XIRP2: variants seen among roughly 807,000 people sequenced by gnomAD.
The protein encoded by XIRP2 is xin actin binding repeat containing 2.
Under a neutral mutation model 277.0 loss-of-function variants are expected in XIRP2, and 236 were observed. The observed-to-expected ratio is 0.85, with a 90% CI of 0.77 to 0.95. XIRP2 has a LOEUF of 0.95. XIRP2 is among the 40% of genes least tolerant of loss of function. The pLI, the probability that XIRP2 is intolerant of heterozygous loss-of-function variation, is 0.00. For synonymous variants in XIRP2, 1,490 were observed against 1,416.5 expected (o/e 1.05, Z -1.17); for missense variants, 4,640 against 4,157.5 (o/e 1.12, Z -3.19).
rs1228599060 is a variant in XIRP2 at position 167,258,273 on chromosome 2, A to G, written c.*456A>G. 4 of 1,613,398 alleles carry G rather than the reference A, an allele frequency of 2.5e-6. No homozygotes were observed. Among genetic ancestry groups the G allele is most frequent in the South Asian group, 1.1e-5 (1 of 91,076 alleles). ...ACAACCCTGCTATCCCCTGAATTTA[A>G]AAGTGAATCTCTGCTAGAAGATGTT... On this transcript the variant is annotated 3_prime_UTR_variant, in exon 11 of 11. Coordinates refer to ENST00000409195, the MANE Select transcript of XIRP2 (RefSeq NM_152381.6).
intron 2 of XIRP2, among the ~76,000 whole-genome samples, chr2:167,042,374 G>A (rs1220556460): frequency 6.6e-6 from 1 of 152,072 alleles, no homozygotes; most frequent in African/African-American, 2.4e-5. Context: ...TAAATGCCCA[G>A]CTTAAAAGGC....
intron 2 of XIRP2, among the ~76,000 whole-genome samples, chr2:166,921,552 T>C (rs1685041568): frequency 6.6e-6 from 1 of 152,142 alleles, no homozygotes; most frequent in Non-Finnish European, 1.5e-5. Flanking sequence ...GATGATAAAT[T>C]ATTTCATCAC....
intron 3 of XIRP2, among the ~76,000 whole-genome samples, chr2:167,168,027 TC>T (rs1418111522): frequency 6.6e-6 from 1 of 152,298 alleles, no homozygotes; most frequent in East Asian, 1.9e-4. Context: ...TATTTTCCTC[TC>T]AACACTTGTA....
intron 2 of XIRP2, among the ~76,000 whole-genome samples, chr2:166,984,263 A>G (rs1259862247): frequency 1.3e-5 from 2 of 152,202 alleles, no homozygotes; most frequent in East Asian, 1.9e-4. Flanking sequence ...CTCATATTTC[A>G]GTTTTCTACA....
At chr2:167,071,691 A>C (rs1460013869) in intron 2 of XIRP2, among the ~76,000 whole-genome samples, 1 of 152,216 alleles carries the variant, frequency 6.6e-6, no homozygotes, top group African/African-American at 2.4e-5. Context: ...TATGGCAGCA[A>C]ACCAAAACAT....
At chr2:167,187,199 A>G (rs1693180370) in intron 3 of XIRP2, 3 of 966,118 alleles carry the variant, frequency 3.1e-6, no homozygotes, top group Non-Finnish European at 2.5e-6. Context: ...TGTTAGAGCC[A>G]TGCATACATT....
At chr2:167,093,434 A>C (rs181559176) in intron 2 of XIRP2, among the ~76,000 whole-genome samples, 86 of 152,088 alleles carry the variant, frequency 5.7e-4, no homozygotes, top group African/African-American at 1.8e-3. Context: ...CTTCATCTAC[A>C]TTAGGTATTT....
chr2:167,087,909 G>C (rs375925912), intron 2 of XIRP2, among the ~76,000 whole-genome samples: 1 of 152,134 alleles, frequency 6.6e-6, no homozygotes, highest in East Asian at 1.9e-4. Context: ...CTTCTGCGTC[G>C]CTCACGCTGG....
chr2:167,258,057 C>A lies in XIRP2; in HGVS notation c.*240C>A, dbSNP rs62197395. 15 of 1,613,014 alleles carry A rather than the reference C, an allele frequency of 9.3e-6. No homozygotes were observed. The Admixed American group carries it at 2.5e-4, about 27-fold the overall frequency. On this transcript the variant is annotated 3_prime_UTR_variant, in exon 11 of 11. Transcript: ENST00000409195. Reference sequence around the variant, plus strand: ...ATGTGTAAAAATATTGCAGAAAACACCCTTGTACCTGGAGATCGTAATGAA... The same window carrying A: ...ATGTGTAAAAATATTGCAGAAAACAACCTTGTACCTGGAGATCGTAATGAA...
chr2:166,947,443 C>T (rs1287467774), intron 2 of XIRP2, among the ~76,000 whole-genome samples: 1 of 152,126 alleles, frequency 6.6e-6, no homozygotes, highest in Non-Finnish European at 1.5e-5. Flanking sequence ...GTTCTACTTC[C>T]TTGGTATTCT....
Position 167,242,654 on chromosome 2 carries a change from A to AG in XIRP2, c.1264dup (p.Glu422GlyfsTer8). 4 of 1,614,142 alleles carry AG rather than the reference A, an allele frequency of 2.5e-6. No individual in the cohort carries two copies. Among genetic ancestry groups the AG allele is most frequent in the Non-Finnish European group, 2.5e-6 (3 of 1,179,970 alleles). ...TCTTGCGTTTCAACCAGCCAGAGGA[A>AG]GGAAACATCAACTACAAGATATAGT... On this transcript the variant is annotated frameshift_variant, in exon 9 of 11. Transcript: ENST00000409195. LOFTEE classifies it high-confidence loss of function.
chr2:167,104,723 C>A (rs1410028414), intron 2 of XIRP2, among the ~76,000 whole-genome samples: 8 of 151,932 alleles, frequency 5.3e-5, no homozygotes, highest in African/African-American at 4.8e-5. Flanking sequence ...TGTGTTTGAT[C>A]TTTTCCTTTT....
chr2:167,212,217 A>G (rs1351970173), intron 4 of XIRP2, among the ~76,000 whole-genome samples: 3 of 152,230 alleles, frequency 2.0e-5, no homozygotes, highest in Non-Finnish European at 4.4e-5. Context: ...GTGGCACTAT[A>G]GTACCTCCTG....
rs1015005366 is a variant in XIRP2, at chr2:167,252,089, A to AT, written c.10555+143dup. The AT allele has an allele frequency of 2.3e-6, 3 of 1,288,254 alleles. No homozygotes were observed. The African/African-American group carries it at 4.5e-5, about 19-fold the overall frequency. The allele number at this position is 1,288,254 out of a possible 1,614,324, so 79.8% of individuals were successfully genotyped here. On this transcript the variant is annotated intron_variant, in intron 9 of 10. Transcript: ENST00000409195. ...AACTAACAGCTTCCCATGTATGCTT[A>AT]TAGACTCTTTATATGCTTGCTTTTA...
At chr2:166,951,535 A>T (rs1287107702) in intron 2 of XIRP2, among the ~76,000 whole-genome samples, 4 of 151,998 alleles carry the variant, frequency 2.6e-5, no homozygotes, top group East Asian at 1.9e-4. Context: ...GAAAAAAAAA[A>T]TTTAGAAAGA....
chr2:167,151,540 T>C (rs1333881727), intron 3 of XIRP2, among the ~76,000 whole-genome samples: 2 of 152,116 alleles, frequency 1.3e-5, no homozygotes, highest in Admixed American at 6.6e-5. Context: ...TTAACACCAA[T>C]TATATGTATG....
chr2:167,029,866 A>G (rs1371184089), intron 2 of XIRP2, among the ~76,000 whole-genome samples: 1 of 152,144 alleles, frequency 6.6e-6, no homozygotes, highest in Non-Finnish European at 1.5e-5. Flanking sequence ...GCTATTAATT[A>G]CTGCCTCAAT....
rs575337612 is a variant in XIRP2, at chr2:166,910,533, A to G, written c.408+6643A>G. Among the ~76,000 whole-genome samples the G allele has an allele frequency of 8.6e-5, 13 of 151,998 alleles. No individual in the cohort carries two copies. In the South Asian group the frequency reaches 2.1e-3, roughly 24 times the overall value. On this transcript the variant is annotated intron_variant, in intron 2 of 10. Transcript: ENST00000409195. ...TCTTTATTAGTCTTGCTGATGGTCT[A>G]TCAATTTTGTCGATCCTTTCAAAAA...
At position 167,057,791 on chromosome 2, in the gene XIRP2, T is replaced by C. The variant is rs930991599; in HGVS notation, c.409-78118T>C. On this transcript the variant is annotated intron_variant, in intron 2 of 10. Coordinates refer to ENST00000409195, the MANE Select transcript of XIRP2 (RefSeq NM_152381.6). ...AAGTAAAGAAATATAAGCCAAAACA[T>C]ATTAGAAATACAGGATACCTTTATC... 1.1e-4 allele frequency among the ~76,000 whole-genome samples: 17 copies of C among 152,240 alleles called. No homozygotes were observed. In the South Asian group the frequency reaches 3.5e-3, roughly 32 times the overall value.
Sources: allele counts gnomAD v4.1 joint callset (sites outside exome capture counted in the v4.1 genomes callset), GRCh38; gene constraint gnomAD v4.1.1; transcripts MANE v1.5; gene names NCBI Gene and HGNC (gene_info 2026-07-23, HGNC 2026-07-21).